KLHL32: variants seen among roughly 807,000 people sequenced by gnomAD.
KLHL32 encodes the protein kelch-like protein 32.
Under a neutral mutation model 64.8 loss-of-function variants are expected in KLHL32, and 35 were observed. The ratio of observed to expected loss-of-function variants is 0.54; its 90% confidence interval spans 0.41 to 0.72. KLHL32 has a LOEUF of 0.72. Ranked by LOEUF, KLHL32 falls within the 30% of genes least tolerant of loss-of-function variation. The pLI is 0.00. For missense variants in KLHL32, 589 were observed against 768.5 expected (o/e 0.77, Z 2.76); for synonymous variants, 259 against 281.0 (o/e 0.92, Z 0.78).
upstream of KLHL32, among the ~76,000 whole-genome samples, chr6:96,924,034 G>A (rs1224333229): frequency 6.6e-6 from 1 of 152,092 alleles, no homozygotes; most frequent in African/African-American, 2.4e-5. Context: ...AGTAACCACA[G>A]TAATCACACC....
At chr6:97,075,590 G>A (rs1406761817) in intron 5 of KLHL32, among the ~76,000 whole-genome samples, 2 of 152,102 alleles carry the variant, frequency 1.3e-5, no homozygotes, top group Admixed American at 1.3e-4. Context: ...GCTATTAAAA[G>A]GTTTGGATTT....
chr6:96,964,557 G>A (rs1249826287), intron 1 of KLHL32, among the ~76,000 whole-genome samples: 1 of 152,212 alleles, frequency 6.6e-6, no homozygotes, highest in Admixed American at 6.5e-5. Context: ...GGAGGCTGAG[G>A]CAGGAGAATG....
intron 6 of KLHL32, among the ~76,000 whole-genome samples, chr6:97,109,461 A>G (rs976665404): frequency 2.0e-5 from 3 of 152,242 alleles, no homozygotes; most frequent in Admixed American, 6.5e-5. Flanking sequence ...ATCATGACAC[A>G]TGTGATGTGG....
At chr6:97,002,262 G>T (rs1347947974) in intron 3 of KLHL32, among the ~76,000 whole-genome samples, 1 of 152,164 alleles carries the variant, frequency 6.6e-6, no homozygotes, top group Non-Finnish European at 1.5e-5. Context: ...TCTTCAACCA[G>T]TTGGATGAAG....
intron 5 of KLHL32, 42 bp downstream of exon 5, chr6:97,064,768 T>A: frequency 6.7e-7 from 1 of 1,493,610 alleles, no homozygotes; most frequent in Admixed American, 1.7e-5. Flanking sequence ...TTCACATTCC[T>A]TTCCCCACAG....
chr6:97,051,851 GA>G (rs922678302), intron 4 of KLHL32, among the ~76,000 whole-genome samples: 57 of 152,012 alleles, frequency 3.7e-4, no homozygotes, highest in Non-Finnish European at 7.4e-4. Context: ...CTCTTATTGA[GA>G]AAAAAAGAAC....
chr6:97,088,797 C>T (rs17057395), intron 6 of KLHL32, among the ~76,000 whole-genome samples: 4,592 of 152,256 alleles, frequency 0.03, 79 homozygotes, highest in East Asian at 0.07. Flanking sequence ...TAGAACAACA[C>T]ATAGAAGTAA....
At chr6:97,022,470 A>ATTTTTTTT (rs145998879) in intron 3 of KLHL32, among the ~76,000 whole-genome samples, 1 of 138,970 alleles carries the variant, frequency 7.2e-6, no homozygotes. Flanking sequence ...ATAACACCTA[A>ATTTTTTTT]TTTTTTTTTT....
At position 96,947,711 on chromosome 6, in the gene KLHL32, T is replaced by C. The variant is rs540019254; in HGVS notation, c.-65-19285T>C. ...ACGGATTTTATGCTCTTTGCATTGT[T>C]CTTAGTAATTATATTGACTCATTAA... On this transcript the variant is annotated intron_variant, in intron 1 of 10. Transcript: ENST00000369261. Among the ~76,000 whole-genome samples, 3 of 152,334 alleles carry C rather than the reference T, an allele frequency of 2.0e-5. No homozygotes were observed. The East Asian group carries it at 5.8e-4, about 29-fold the overall frequency.
intron 1 of KLHL32, among the ~76,000 whole-genome samples, chr6:96,949,312 A>G (rs1172084888): frequency 6.8e-6 from 1 of 147,292 alleles, no homozygotes; most frequent in African/African-American, 2.5e-5. Context: ...CCATAGCTCC[A>G]GCTCTGATAT....
intron 4 of KLHL32, chr6:97,062,353 C>A (rs1354756580): frequency 6.6e-6 from 1 of 152,242 alleles, no homozygotes; most frequent in Non-Finnish European, 1.5e-5. Flanking sequence ...TTCTGCAAGA[C>A]TATACAACAT....
In KLHL32 at chr6:97,126,536, A is replaced by G. The variant is rs1227588756; in HGVS notation, c.1355-868A>G. On this transcript the variant is annotated intron_variant, in intron 7 of 10. Transcript: ENST00000369261. ...GGTGGGTCTCAGGTCTCTTAGATCTAAGCAGTTGTCAAGAGGGCTTCAAAA... is the reference window on the plus strand; with the variant it reads ...GGTGGGTCTCAGGTCTCTTAGATCTGAGCAGTTGTCAAGAGGGCTTCAAAA... Among the ~76,000 whole-genome samples the G allele has an allele frequency of 3.3e-5, 5 of 152,220 alleles. No homozygotes were observed. The East Asian group carries it at 5.8e-4, about 18-fold the overall frequency.
chr6:96,906,073 CT>C, the KLHL32 span, among the ~76,000 whole-genome samples: 4 of 152,126 alleles, frequency 2.6e-5, no homozygotes, highest in Admixed American at 2.6e-4. Context: ...ACAGCCACCC[CT>C]AAGCATCAGT....
intron 1 of KLHL32, among the ~76,000 whole-genome samples, chr6:96,955,904 T>TC (rs1773202390): frequency 1.3e-5 from 2 of 152,280 alleles, no homozygotes; most frequent in Middle Eastern, 3.4e-3. Flanking sequence ...ACCACTGCAC[T>TC]CCAATCTGAG....
chr6:97,098,344 C>T (rs928837182), intron 6 of KLHL32, among the ~76,000 whole-genome samples: 1 of 152,082 alleles, frequency 6.6e-6, no homozygotes, highest in African/African-American at 2.4e-5. Context: ...AATCGTTTTG[C>T]CTTTTTTTAT....
chr6:96,924,528 C>A (rs1160702548), upstream of KLHL32: 1 of 148,208 alleles, frequency 6.7e-6, no homozygotes, highest in Non-Finnish European at 1.5e-5. Flanking sequence ...GGTGGCGTTG[C>A]GCGCGGGGTG....
At chr6:97,059,732 T>C (rs945940468) in intron 4 of KLHL32, among the ~76,000 whole-genome samples, 3 of 152,216 alleles carry the variant, frequency 2.0e-5, no homozygotes, top group African/African-American at 4.8e-5. Context: ...ATAGATCTTG[T>C]GTTTCATGTT....
upstream of KLHL32, among the ~76,000 whole-genome samples, chr6:96,921,068 C>G (rs1383958689): frequency 6.6e-6 from 1 of 152,170 alleles, no homozygotes; most frequent in Admixed American, 6.5e-5. Flanking sequence ...TTTTTATAAT[C>G]TTTGCCAATC....
chr6:96,997,754 A>T (rs1003390301), intron 3 of KLHL32, among the ~76,000 whole-genome samples: 1 of 152,108 alleles, frequency 6.6e-6, no homozygotes, highest in Admixed American at 6.5e-5. Flanking sequence ...AACAAAAAAA[A>T]CCATACAAGA....
Sources: gnomAD v4.1 joint callset for allele counts (sites outside exome capture counted in the v4.1 genomes callset) on GRCh38, gnomAD v4.1.1 for gene constraint, MANE v1.5 for transcripts, NCBI Gene and HGNC (gene_info 2026-07-23, HGNC 2026-07-21) for gene names.